Variants in CHMP6 observed in about 807,000 individuals in gnomAD.
CHMP6 encodes charged multivesicular body protein 6.
CHMP6 carries 10 observed loss-of-function variants against 32.8 expected under a neutral mutation model. The observed-to-expected ratio is 0.30, with a 90% CI of 0.19 to 0.52. The LOEUF (loss-of-function observed/expected upper bound fraction) is 0.52, where lower values mean the gene tolerates loss of function less well. Ranked by LOEUF, CHMP6 falls within the 20% of genes least tolerant of loss-of-function variation. The pLI, the probability that CHMP6 is intolerant of heterozygous loss-of-function variation, is 0.97. For synonymous variants in CHMP6, 123 were observed against 105.8 expected (o/e 1.16, Z -1.00); for missense variants, 269 against 263.8 (o/e 1.02, Z -0.14).
intron 6 of CHMP6, 141 bp from the exon 7 acceptor site, chr17:80,998,225 T>C: frequency 1.1e-6 from 1 of 903,444 alleles, no homozygotes; most frequent in Non-Finnish European, 1.7e-6. Flanking sequence ...CAGACTTGGG[T>C]CTTCTGAGCA....
rs371403272 is a variant in CHMP6 at position 80,997,844 on chromosome 17, C to T, written c.495+503C>T. Among the ~76,000 whole-genome samples, 160 of 152,352 alleles carry T rather than the reference C, an allele frequency of 1.1e-3. 2 individuals are homozygous for T. In the South Asian group the frequency reaches 0.011, roughly 10 times the overall value. ...GCCCTGCTGCCAGCTGCCCCGGCGCCCTGGTGCTGTGCGGCCCATGGTGCC... is the reference window on the plus strand; with the variant it reads ...GCCCTGCTGCCAGCTGCCCCGGCGCTCTGGTGCTGTGCGGCCCATGGTGCC... On this transcript the variant is annotated intron_variant, in intron 6 of 7. Transcript: ENST00000325167.
intron 7 of CHMP6, chr17:80,998,749 C>G: frequency 8.1e-7 from 1 of 1,239,160 alleles, no homozygotes; most frequent in African/African-American, 1.5e-5. Flanking sequence ...ATGGCTCTCC[C>G]CGTGGCACCA....
intron 1 of CHMP6, among the ~76,000 whole-genome samples, chr17:80,993,573 A>C (rs1442128158): frequency 6.6e-6 from 1 of 152,214 alleles, no homozygotes; most frequent in Non-Finnish European, 1.5e-5. Flanking sequence ...GACTGAGCTA[A>C]TTCTCCTCAG....
chr17:80,999,077 A>G lies in CHMP6; in HGVS notation c.551-21A>G, dbSNP rs1042449542. ...CCTGTGGGTCTTTGGCGTGTCATAA[A>G]CATCTCTGTTTCCTCCACAGAAAAC... On this transcript the variant is annotated intron_variant, in intron 7 of 7. Coordinates refer to ENST00000325167, the MANE Select transcript of CHMP6 (RefSeq NM_024591.5). 1.8e-5 allele frequency: 29 copies of G among 1,613,564 alleles called. No individual in the cohort carries two copies. In the African/African-American group the frequency reaches 3.3e-4, roughly 19 times the overall value.
At position 81,000,051 on chromosome 17, in the gene CHMP6, G is replaced by T. The variant is rs565930821; in HGVS notation, c.*898G>T. The T allele has an allele frequency of 6.6e-6, 1 of 152,412 alleles. No individual in the cohort carries two copies. The highest frequency in any genetic ancestry group is 1.9e-4 in the East Asian group (1 of 5,186). The allele number at this position is 152,412 out of a possible 1,614,324, so 9.4% of individuals were successfully genotyped here. A position where few individuals can be genotyped will look rare whatever the true frequency, so the allele number is the denominator to read the frequency against. ...GATCTCGCTGGGACCGCCCCTGCCC[G>T]TGGAAAGCCACAAGGACAAAGGGAG... On this transcript the variant is annotated 3_prime_UTR_variant, in exon 8 of 8. Transcript: ENST00000325167.
At chr17:80,996,195 C>G (rs1179489056) in intron 4 of CHMP6, among the ~76,000 whole-genome samples, 3 of 152,110 alleles carry the variant, frequency 2.0e-5, no homozygotes, top group Non-Finnish European at 4.4e-5. Context: ...TGGCAGGCAC[C>G]TGTAAACCCA....
chr17:80,999,788 G>A lies in CHMP6; in HGVS notation c.*635G>A, dbSNP rs2069670348. On this transcript the variant is annotated 3_prime_UTR_variant, in exon 8 of 8. Transcript: ENST00000325167. ...CCCTGACTCCCGCCTTGCCACTCAC[G>A]GCTCTGTCCACTAGGGCTCAGCCCT... The A allele has an allele frequency of 6.6e-6, 1 of 152,452 alleles. No individual in the cohort carries two copies. Among genetic ancestry groups the A allele is most frequent in the African/African-American group, 2.4e-5 (1 of 41,390 alleles). 9.4% of individuals were successfully genotyped at this position (152,452 alleles called of 1,614,324 possible). A position where few individuals can be genotyped will look rare whatever the true frequency, so the allele number is the denominator to read the frequency against.
chr17:80,995,598 G>A, intron 3 of CHMP6, 74 bp from the exon 4 acceptor site: 1 of 1,351,230 alleles, frequency 7.4e-7, no homozygotes. Flanking sequence ...GTGTCATCCT[G>A]AACCCTGCCC....
At chr17:80,998,302 G>A in intron 6 of CHMP6, 64 bp from the exon 7 acceptor site, 1 of 1,574,860 alleles carries the variant, frequency 6.3e-7, no homozygotes. Flanking sequence ...TCCTCTCGGG[G>A]AGGCCCAGGC....
intron 6 of CHMP6, among the ~76,000 whole-genome samples, chr17:80,997,867 G>C (rs2069652823): frequency 2.0e-5 from 3 of 152,254 alleles, no homozygotes; most frequent in Admixed American, 6.5e-5. Flanking sequence ...GGCCCATGGT[G>C]CCTGCACCCA....
In CHMP6 at chr17:80,997,362, G is replaced by A. The variant is rs757205157; in HGVS notation, c.495+21G>A. The A allele has an allele frequency of 3.7e-6, 6 of 1,602,932 alleles. 1 individual carries two copies. Among genetic ancestry groups the A allele is most frequent in the Admixed American group, 1.7e-5 (1 of 59,098 alleles). Reference sequence around the variant, plus strand: ...CTCAGGTAACGGCCCCCCCGGGACTGAGCACAGTCACTCAGGCAGCGGGAC... The same window carrying A: ...CTCAGGTAACGGCCCCCCCGGGACTAAGCACAGTCACTCAGGCAGCGGGAC... On this transcript the variant is annotated intron_variant, in intron 6 of 7. Coordinates refer to ENST00000325167, the MANE Select transcript of CHMP6 (RefSeq NM_024591.5).
At chr17:80,997,469 T>G in intron 6 of CHMP6, 128 bp downstream of exon 6, 1 of 766,928 alleles carries the variant, frequency 1.3e-6, no homozygotes, top group Non-Finnish European at 2.1e-6. Flanking sequence ...CTGCGGTTTG[T>G]GACTGGTTTT....
chr17:80,992,277 C>T (rs1217592862), intron 1 of CHMP6, among the ~76,000 whole-genome samples: 1 of 151,960 alleles, frequency 6.6e-6, no homozygotes. Context: ...GATTCGACGC[C>T]GGCGTTCGGG....
chr17:80,994,491 G>A lies in CHMP6; in HGVS notation c.64-90G>A, dbSNP rs1269717035. 8.4e-6 allele frequency: 10 copies of A among 1,186,884 alleles called. No homozygotes were observed. The African/African-American group carries it at 1.1e-4, about 13-fold the overall frequency. 73.5% of individuals were successfully genotyped at this position (1,186,884 alleles called of 1,614,324 possible). A position where few individuals can be genotyped will look rare whatever the true frequency, so the allele number is the denominator to read the frequency against. On this transcript the variant is annotated intron_variant, in intron 1 of 7. Transcript: ENST00000325167. ...TGCCCCATGAAGGACACTCACGGAG[G>A]GCCGCCCGGCCTCCATGCCTGGCGC...
At chr17:80,992,608 C>G in intron 1 of CHMP6, among the ~76,000 whole-genome samples, 1 of 152,114 alleles carries the variant, frequency 6.6e-6, no homozygotes, top group Non-Finnish European at 1.5e-5. Flanking sequence ...TCCGCAGCGC[C>G]TGGGTACGGG....
Position 80,991,912 on chromosome 17 carries a change from C to G in CHMP6, c.-7C>G. 6.9e-7 allele frequency: 1 copy of G among 1,452,844 alleles called. No homozygotes were observed. The highest frequency in any genetic ancestry group is 9.1e-7 in the Non-Finnish European group (1 of 1,096,004). The allele number at this position is 1,452,844 out of a possible 1,614,324, so 90.0% of individuals were successfully genotyped here. On this transcript the variant is annotated 5_prime_UTR_variant, in exon 1 of 8. Coordinates refer to ENST00000325167, the MANE Select transcript of CHMP6 (RefSeq NM_024591.5). Reference sequence around the variant, plus strand: ...TGGTGGGTCCCGGGCCAGGGGCGGGCGCCGCCATGGGTAACCTGTTCGGCC... The same window carrying G: ...TGGTGGGTCCCGGGCCAGGGGCGGGGGCCGCCATGGGTAACCTGTTCGGCC...
In CHMP6 at chr17:80,995,037, C is replaced by A. The variant is rs146625286; in HGVS notation, c.192C>A (p.Leu64=). ...DGRKERAKLL[L]KKKRYQEQLL... ...TCTGCAGACGGGCCAAGCTGCTGCT[C>A]AAGAAGAAGCGATACCAGGAGCAGC... Residue 64 remains leucine (L), a synonymous_variant, in exon 3 of 8, where the codon CTC becomes CTA. Coordinates refer to ENST00000325167, the MANE Select transcript of CHMP6 (RefSeq NM_024591.5). 9.5e-4 allele frequency: 1,511 copies of A among 1,598,746 alleles called. 6 individuals carry two copies. In the Middle Eastern group the frequency reaches 0.02, roughly 21 times the overall value.
At chr17:80,992,170 G>T (rs1210587669) in intron 1 of CHMP6, among the ~76,000 whole-genome samples, 189 bp downstream of exon 1, 2 of 151,452 alleles carry the variant, frequency 1.3e-5, no homozygotes, top group African/African-American at 2.4e-5. Flanking sequence ...GCCTCGGGCC[G>T]GGGTCTCCTG....
chr17:80,991,972 G>T lies in CHMP6; in HGVS notation c.54G>T (p.Lys18Asn). ...KKQSRVTEQD[K>N]AILQLKQQRD... Reference sequence around the variant, plus strand: ...AGAGCCGCGTCACGGAGCAGGACAAGGCCATCCTGGTGAGGGCCCGGGCCC... The same window carrying T: ...AGAGCCGCGTCACGGAGCAGGACAATGCCATCCTGGTGAGGGCCCGGGCCC... The change falls in exon 1 of 8, where the codon AAG (lysine) becomes AAT (asparagine). Residue 18 changes from lysine to asparagine, a missense_variant. Lys to Asn is a moderately conservative substitution (Grantham distance 94). Transcript: ENST00000325167. 1 of 1,444,216 alleles carries T rather than the reference G, an allele frequency of 6.9e-7. No individual in the cohort carries two copies. The highest frequency in any genetic ancestry group is 9.2e-7 in the Non-Finnish European group (1 of 1,089,374). The allele number at this position is 1,444,216 out of a possible 1,614,324, so 89.5% of individuals were successfully genotyped here.
Sources: allele counts gnomAD v4.1 joint callset (sites outside exome capture counted in the v4.1 genomes callset), GRCh38; gene constraint gnomAD v4.1.1; transcripts MANE v1.5; gene names NCBI Gene and HGNC (gene_info 2026-07-23, HGNC 2026-07-21).